PTPRD: variants seen among roughly 807,000 people sequenced by gnomAD.
PTPRD encodes the protein receptor-type tyrosine-protein phosphatase delta.
A neutral mutation model predicts 214.5 loss-of-function variants in PTPRD; 34 were observed. The ratio of observed to expected loss-of-function variants is 0.16; its 90% confidence interval spans 0.12 to 0.21. PTPRD has a LOEUF of 0.21. Among genes scored for constraint, PTPRD ranks in the 10% least tolerant of loss-of-function variants. PTPRD has a pLI of 1.00. For synonymous variants in PTPRD, 1,128 were observed against 845.7 expected, an observed-to-expected ratio of 1.33 and a Z score of -5.79; for missense variants, 2,545 against 2,398.7, an observed-to-expected ratio of 1.06 and a Z score of -1.27.
At chr9:10,532,004 A>C (rs1280383034) in intron 2 of PTPRD, 4 of 152,166 alleles carry the variant, frequency 2.6e-5, no homozygotes, top group Admixed American at 2.0e-4. Flanking sequence ...TTCATTTAAT[A>C]CTTTATTTTA....
At chr9:9,916,409 C>A (rs544239590) in intron 5 of PTPRD, among the ~76,000 whole-genome samples, 2 of 151,198 alleles carry the variant, frequency 1.3e-5, no homozygotes, top group East Asian at 1.9e-4. Flanking sequence ...AACAAGAAAT[C>A]AATCAAATGA....
chr9:9,220,310 C>T (rs10816065), intron 9 of PTPRD, among the ~76,000 whole-genome samples: 1 of 117,782 alleles, frequency 8.5e-6, no homozygotes. Flanking sequence ...CTTGCTTTTG[C>T]TTTTTTTTTA....
At chr9:9,998,147 A>AAAG (rs1309907846) in intron 4 of PTPRD, among the ~76,000 whole-genome samples, 1 of 87,756 alleles carries the variant, frequency 1.1e-5, no homozygotes, top group Non-Finnish European at 2.3e-5. Context: ...TATATATATA[A>AAAG]AAGAAGAAGA....
At chr9:10,454,745 C>G (rs576477538) in intron 2 of PTPRD, among the ~76,000 whole-genome samples, 2 of 151,748 alleles carry the variant, frequency 1.3e-5, no homozygotes, top group South Asian at 4.2e-4. Context: ...GACCCTTCAT[C>G]CATTTACTTG....
intron 2 of PTPRD, among the ~76,000 whole-genome samples, chr9:10,579,037 T>G (rs980799621): frequency 1.3e-5 from 2 of 152,098 alleles, no homozygotes; most frequent in African/African-American, 4.8e-5. Context: ...AAGCCCCACA[T>G]GCATTAGGTA....
At chr9:9,196,574 T>C (rs576814150) in intron 9 of PTPRD, among the ~76,000 whole-genome samples, 1 of 152,216 alleles carries the variant, frequency 6.6e-6, no homozygotes, top group African/African-American at 2.4e-5. Flanking sequence ...TATGCCATTT[T>C]AAACAAATAA....
chr9:8,521,178 A>C, intron 20 of PTPRD, 99 bp downstream of exon 20: 1 of 1,345,354 alleles, frequency 7.4e-7, no homozygotes, highest in South Asian at 1.4e-5. Context: ...AATGCTGAAT[A>C]ATGAATTATT....
At chr9:10,365,703 G>A (rs1339442644) in intron 2 of PTPRD, among the ~76,000 whole-genome samples, 3 of 151,872 alleles carry the variant, frequency 2.0e-5, no homozygotes, top group African/African-American at 7.3e-5. Context: ...CAAACCATTA[G>A]GTTTAACCAA....
chr9:9,976,494 C>G (rs117925602), intron 4 of PTPRD, among the ~76,000 whole-genome samples: 2,182 of 151,554 alleles, frequency 0.014, 42 homozygotes, highest in Middle Eastern at 0.02. Context: ...TCAAGAGATT[C>G]TTACACCTTA....
rs375267772 is a variant in PTPRD, at chr9:10,327,547, G to C, written c.-545+13416C>G. Among the ~76,000 whole-genome samples the C allele has an allele frequency of 8.3e-4, 126 of 151,224 alleles. 3 individuals carry two copies. The South Asian group carries it at 0.022, about 26-fold the overall frequency. On this transcript the variant is annotated intron_variant, in intron 3 of 45. Coordinates refer to ENST00000381196, the MANE Select transcript of PTPRD (RefSeq NM_002839.4). Reference sequence around the variant, plus strand: ...CTAGAATATTCTATATTATATCATTGGGTTTGGAAACCGTTTCCTGGAGAA... The same window carrying C: ...CTAGAATATTCTATATTATATCATTCGGTTTGGAAACCGTTTCCTGGAGAA...
At chr9:9,175,244 C>G (rs748933253) in intron 10 of PTPRD, among the ~76,000 whole-genome samples, 6 of 152,130 alleles carry the variant, frequency 3.9e-5, no homozygotes, top group African/African-American at 1.4e-4. Context: ...CTGTTCATCA[C>G]AAGAACAATT....
intron 9 of PTPRD, among the ~76,000 whole-genome samples, chr9:9,304,388 G>A (rs950256788): frequency 1.3e-5 from 2 of 152,026 alleles, no homozygotes; most frequent in African/African-American, 4.8e-5. Context: ...ATTCCCATTT[G>A]GATGTTTCCT....
At chr9:9,517,017 A>C (rs7034573) in intron 8 of PTPRD, among the ~76,000 whole-genome samples, 11,131 of 152,238 alleles carry the variant, frequency 0.073, 584 homozygotes, top group African/African-American at 0.15. Context: ...CTGTAACTTG[A>C]AATTAGTTGC....
chr9:9,480,919 C>T (rs2147089783), intron 8 of PTPRD, among the ~76,000 whole-genome samples: 1 of 152,266 alleles, frequency 6.6e-6, no homozygotes, highest in Admixed American at 6.5e-5. Context: ...TACAGGCTTC[C>T]TTCATATGCC....
chr9:9,897,928 G>A (rs576916853), intron 5 of PTPRD, among the ~76,000 whole-genome samples: 20 of 151,544 alleles, frequency 1.3e-4, no homozygotes, highest in Admixed American at 1.1e-3. Flanking sequence ...CACCTTTGAC[G>A]GCAGTGTAAA....
intron 9 of PTPRD, among the ~76,000 whole-genome samples, chr9:9,245,678 G>C (rs2099972734): frequency 6.6e-6 from 1 of 152,080 alleles, no homozygotes; most frequent in South Asian, 2.1e-4. Flanking sequence ...TAAATGATGA[G>C]TTGATGGGTG....
chr9:10,320,642 T>G (rs1208299325), intron 3 of PTPRD, among the ~76,000 whole-genome samples: 1 of 152,068 alleles, frequency 6.6e-6, no homozygotes, highest in African/African-American at 2.4e-5. Context: ...AAAATTCAAC[T>G]AATGCTATTG....
intron 3 of PTPRD, among the ~76,000 whole-genome samples, chr9:10,118,527 A>G (rs1211636883): frequency 6.6e-6 from 1 of 151,822 alleles, no homozygotes; most frequent in African/African-American, 2.4e-5. Flanking sequence ...ATTATAGGCT[A>G]TCGTTATTAT....
chr9:9,517,624 T>A (rs2096869638), intron 8 of PTPRD, among the ~76,000 whole-genome samples: 1 of 152,042 alleles, frequency 6.6e-6, no homozygotes, highest in Admixed American at 6.6e-5. Context: ...CAGTGAAACA[T>A]TAGAATCCAA....
Sources: gnomAD v4.1 joint callset for allele counts (sites outside exome capture counted in the v4.1 genomes callset) on GRCh38, gnomAD v4.1.1 for gene constraint, MANE v1.5 for transcripts, NCBI Gene and HGNC (gene_info 2026-07-23, HGNC 2026-07-21) for gene names.